The following MEGF11 variants were observed in gnomAD, a reference collection of about 807,000 sequenced individuals.
MEGF11 encodes the protein multiple epidermal growth factor-like domains protein 11.
A neutral mutation model predicts 146.6 loss-of-function variants in MEGF11; 126 were observed. That is an observed-to-expected ratio of 0.86 (90% CI 0.74 to 1.00). The LOEUF (loss-of-function observed/expected upper bound fraction) is 1.00, where lower values mean the gene tolerates loss of function less well. MEGF11 is among the 50% of genes least tolerant of loss of function. The pLI is 0.00. For missense variants in MEGF11, 1,509 were observed against 1,521.2 expected (o/e 0.99, Z 0.13); for synonymous variants, 532 against 583.4 (o/e 0.91, Z 1.27).
intron 13 of MEGF11, 101 bp from the exon 14 acceptor site, chr15:65,923,070 G>A (rs2079234100): frequency 7.9e-7 from 1 of 1,268,664 alleles, no homozygotes; most frequent in East Asian, 2.7e-5. Flanking sequence ...GTGGAGGCAA[G>A]CATAGTGCAT....
chr15:66,225,220 C>T (rs1041871442), intron 1 of MEGF11, among the ~76,000 whole-genome samples: 1 of 152,230 alleles, frequency 6.6e-6, no homozygotes, highest in Non-Finnish European at 1.5e-5. Flanking sequence ...CATTAGGGAG[C>T]AGAGCCAAGG....
chr15:66,173,097 G>C (rs2090305391), intron 1 of MEGF11, among the ~76,000 whole-genome samples: 1 of 152,104 alleles, frequency 6.6e-6, no homozygotes, highest in Non-Finnish European at 1.5e-5. Context: ...CAGATGTCGG[G>C]GACATCCGTC....
At chr15:66,125,771 G>A (rs1241468655) in intron 2 of MEGF11, among the ~76,000 whole-genome samples, 1 of 152,180 alleles carries the variant, frequency 6.6e-6, no homozygotes, top group East Asian at 1.9e-4. Flanking sequence ...AAGGTGGGGA[G>A]AGAGGGAGCA....
chr15:66,083,634 T>TA (rs59731394), intron 5 of MEGF11, among the ~76,000 whole-genome samples: 414 of 140,858 alleles, frequency 2.9e-3, no homozygotes, highest in Middle Eastern at 7.5e-3. Flanking sequence ...TTGGACTTCA[T>TA]AAAAAAAAAA....
At chr15:66,041,856 T>TAGCTAAGTAGC in intron 5 of MEGF11, among the ~76,000 whole-genome samples, 1 of 152,264 alleles carries the variant, frequency 6.6e-6, no homozygotes, top group Non-Finnish European at 1.5e-5. Flanking sequence ...AGTAGCTAAG[T>TAGCTAAGTAGC]TACGTGCTCA....
intron 12 of MEGF11, among the ~76,000 whole-genome samples, chr15:65,928,988 C>A (rs1217516040): frequency 6.6e-6 from 1 of 152,172 alleles, no homozygotes; most frequent in Non-Finnish European, 1.5e-5. Flanking sequence ...CATTAGGTAT[C>A]AAGAGCCTCA....
intron 10 of MEGF11, among the ~76,000 whole-genome samples, chr15:65,937,497 A>G (rs1016801721): frequency 4.6e-5 from 7 of 152,238 alleles, no homozygotes; most frequent in African/African-American, 1.7e-4. Flanking sequence ...TTCTTTATCA[A>G]TCATCTGAGG....
intron 5 of MEGF11, among the ~76,000 whole-genome samples, chr15:66,020,691 T>C (rs1224283911): frequency 1.3e-5 from 2 of 152,054 alleles, no homozygotes; most frequent in Non-Finnish European, 2.9e-5. Context: ...CCTGGAGATA[T>C]CTTTAAGAAT....
At position 65,930,876 on chromosome 15, in the gene MEGF11, C is replaced by G; in HGVS notation, c.1355G>C (p.Cys452Ser). Residue 452 changes from cysteine to serine, a missense_variant, in exon 11 of 26, where the codon TGT (cysteine) becomes TCT (serine). Coordinates refer to ENST00000395614, the MANE Select transcript of MEGF11 (RefSeq NM_001385028.1). ...YGPNCSSICS[C>S]NNGGTCSPVD... ...TGGGGAGCAGGTGCCACCATTGTTA[C>G]AGCTACAGATGGACGAGCAGTTGGG... 3 of 1,611,762 alleles carry G rather than the reference C, an allele frequency of 1.9e-6. No individual in the cohort carries two copies. The highest frequency in any genetic ancestry group is 1.7e-4 in the Middle Eastern group (1 of 6,054).
chr15:66,136,264 G>A (rs2088882702), intron 1 of MEGF11, among the ~76,000 whole-genome samples: 2 of 152,224 alleles, frequency 1.3e-5, no homozygotes, highest in Non-Finnish European at 2.9e-5. Flanking sequence ...TATTGCTGTC[G>A]TGGTCGGGAT....
At chr15:65,909,703 A>G (rs1436889904) in intron 22 of MEGF11, 37 bp downstream of exon 22, 9 of 1,527,378 alleles carry the variant, frequency 5.9e-6, no homozygotes, top group Non-Finnish European at 7.9e-6. Flanking sequence ...ATAGGGTGGG[A>G]CATGATGGTG....
At chr15:66,020,339 G>A (rs979852519) in intron 5 of MEGF11, among the ~76,000 whole-genome samples, 1 of 152,208 alleles carries the variant, frequency 6.6e-6, no homozygotes, top group African/African-American at 2.4e-5. Context: ...TACTTGGGAA[G>A]AGAAGACTTC....
At position 66,012,065 on chromosome 15, in the gene MEGF11, T is replaced by TA. The variant is rs11333434; in HGVS notation, c.395-29578dup. ...GGCAACATAGTGAGACCCCATCTCT[T>TA]AAAAAAAAAAAAATTAGCCAGGCGT... On this transcript the variant is annotated intron_variant, in intron 5 of 25. Transcript: ENST00000395614. Among the ~76,000 whole-genome samples the TA allele has an allele frequency of 1.3e-3, 200 of 148,166 alleles. 1 individual carries two copies. The highest frequency in any genetic ancestry group is 4.6e-3 in the East Asian group (23 of 4,984).
chr15:66,154,406 G>A (rs147496221), intron 1 of MEGF11, among the ~76,000 whole-genome samples: 180 of 152,268 alleles, frequency 1.2e-3, no homozygotes, highest in African/African-American at 4.3e-3. Context: ...AAGGGGCTGC[G>A]AAATTAATCA....
At chr15:65,910,417 A>T (rs1444486588) in intron 21 of MEGF11, among the ~76,000 whole-genome samples, 1 of 152,074 alleles carries the variant, frequency 6.6e-6, no homozygotes, top group Non-Finnish European at 1.5e-5. Flanking sequence ...TGCCTTGCTC[A>T]TGAACACACA....
In MEGF11 at chr15:65,964,928, ACAGGGG is replaced by A. The variant is rs749957209; in HGVS notation, c.1086_1091del (p.Pro363_Cys364del). On this transcript the variant is annotated inframe_deletion, in exon 9 of 26. Transcript: ENST00000395614. Reference sequence around the variant, plus strand: ...CATACCTGATGGTGTTGTCAGCGTCACAGGGGCAGGGCAGGGTGCAGCCTGGGCCAT... The same window carrying A: ...CATACCTGATGGTGTTGTCAGCGTCACAGGGCAGGGTGCAGCCTGGGCCAT... The A allele has an allele frequency of 8.3e-6, 13 of 1,569,442 alleles. No individual in the cohort carries two copies. The highest frequency in any genetic ancestry group is 1.1e-5 in the Non-Finnish European group (13 of 1,156,556).
At position 65,922,439 on chromosome 15, in the gene MEGF11, G is replaced by C. The variant is rs1460988933; in HGVS notation, c.1856C>G (p.Ala619Gly). 1 of 1,583,240 alleles carries C rather than the reference G, an allele frequency of 6.3e-7. No individual in the cohort carries two copies. Among genetic ancestry groups the C allele is most frequent in the East Asian group, 2.3e-5 (1 of 43,258 alleles). ...GTGCACGCAGAGGGGGCATGGCTGG[G>C]CGCAGCCGTGGCCATAGAACCCAGG... The part of the protein sequence containing the change: ...CPPGFYGHGC[A>G]QPCPLCVHSS... The change falls in exon 15 of 26, where the codon GCC (alanine) becomes GGC (glycine). Residue 619 changes from alanine to glycine, a missense_variant. Transcript: ENST00000395614.
intron 5 of MEGF11, among the ~76,000 whole-genome samples, chr15:66,027,820 TCAGAAACCCCAGGC>T (rs2083388005): frequency 6.6e-6 from 1 of 152,166 alleles, no homozygotes; most frequent in Non-Finnish European, 1.5e-5. Context: ...GGGCTTAGGA[TCAGAAACCCCAGGC>T]TAGCGTTCTT....
chr15:66,099,211 T>C (rs74385266), intron 4 of MEGF11, among the ~76,000 whole-genome samples: 13,993 of 145,824 alleles, frequency 0.096, 733 homozygotes, highest in Middle Eastern at 0.17. Flanking sequence ...TTTCTTTTTT[T>C]TTTTTTTTTT....
Sources: gnomAD v4.1 joint callset for allele counts (sites outside exome capture counted in the v4.1 genomes callset) on GRCh38, gnomAD v4.1.1 for gene constraint, MANE v1.5 for transcripts, NCBI Gene and HGNC (gene_info 2026-07-23, HGNC 2026-07-21) for gene names.